The following PRICKLE2 variants were observed in gnomAD, a reference collection of about 807,000 sequenced individuals.
The protein encoded by PRICKLE2 is prickle-like protein 2.
A neutral mutation model predicts 81.4 loss-of-function variants in PRICKLE2; 21 were observed. The observed-to-expected ratio is 0.26, with a 90% CI of 0.18 to 0.37. The LOEUF (loss-of-function observed/expected upper bound fraction) is 0.37, where lower values mean the gene tolerates loss of function less well. PRICKLE2 is among the 10% of genes least tolerant of loss of function. The pLI, the probability that PRICKLE2 is intolerant of heterozygous loss-of-function variation, is 1.00. For missense variants in PRICKLE2, 940 were observed against 1,109.0 expected (o/e 0.85, Z 2.16); for synonymous variants, 456 against 421.5 (o/e 1.08, Z -1.00).
At chr3:64,141,937 T>C in intron 7 of PRICKLE2, 1 of 984,874 alleles carries the variant, frequency 1.0e-6, no homozygotes, top group Non-Finnish European at 1.2e-6. Flanking sequence ...ACGTACCTGG[T>C]ATTCAGACTG....
intron 2 of PRICKLE2, among the ~76,000 whole-genome samples, chr3:64,176,037 C>A (rs1038614826): frequency 4.6e-5 from 7 of 152,164 alleles, no homozygotes; most frequent in Admixed American, 4.6e-4. Context: ...AAAATGGCTA[C>A]TGGAGTCTCA....
chr3:64,131,279 A>G (rs933946211), intron 7 of PRICKLE2, among the ~76,000 whole-genome samples: 2 of 152,218 alleles, frequency 1.3e-5, no homozygotes, highest in African/African-American at 4.8e-5. Flanking sequence ...TCAGCCTTAG[A>G]AAGGGATTTT....
intron 2 of PRICKLE2, among the ~76,000 whole-genome samples, chr3:64,191,665 A>C (rs563126381): frequency 2.6e-5 from 4 of 152,366 alleles, no homozygotes; most frequent in Admixed American, 1.3e-4. Context: ...GCAAGTGTTC[A>C]ATGAGAGTTT....
intron 2 of PRICKLE2, among the ~76,000 whole-genome samples, chr3:64,170,029 C>T (rs1399572806): frequency 6.6e-6 from 1 of 152,008 alleles, no homozygotes; most frequent in Non-Finnish European, 1.5e-5. Context: ...TTCATTTTGC[C>T]CCTATTTGCC....
intron 2 of PRICKLE2, among the ~76,000 whole-genome samples, chr3:64,243,191 GA>G: frequency 6.6e-6 from 1 of 152,300 alleles, no homozygotes; most frequent in Middle Eastern, 3.4e-3. Context: ...GTGGACAGTA[GA>G]AAACAGAAAG....
chr3:64,204,882 G>T (rs920740142), intron 1 of PRICKLE2, among the ~76,000 whole-genome samples: 1 of 152,078 alleles, frequency 6.6e-6, no homozygotes, highest in African/African-American at 2.4e-5. Context: ...GGGGCAGAGG[G>T]TCAGAAGTGA....
chr3:64,225,044 T>TC lies in PRICKLE2; in HGVS notation c.-176dup. 2.0e-6 allele frequency: 2 copies of TC among 985,460 alleles called. No individual in the cohort carries two copies. Among genetic ancestry groups the TC allele is most frequent in the Non-Finnish European group, 2.4e-6 (2 of 830,070 alleles). The allele number at this position is 985,460 out of a possible 1,614,324, so 61.0% of individuals were successfully genotyped here. On this transcript the variant is annotated 5_prime_UTR_variant, in exon 1 of 8. Transcript: ENST00000638394. Reference sequence around the variant, plus strand: ...AGCAGGACCTCAGGCAGCCAAAGCATCTTCTCCTCAAACCCCCTTTTCAGT... The same window carrying TC: ...AGCAGGACCTCAGGCAGCCAAAGCATCCTTCTCCTCAAACCCCCTTTTCAGT...
At chr3:64,222,989 A>T (rs996005360) in intron 1 of PRICKLE2, among the ~76,000 whole-genome samples, 1 of 152,214 alleles carries the variant, frequency 6.6e-6, no homozygotes, top group African/African-American at 2.4e-5. Context: ...TGTGAAATAC[A>T]GTAGTTCTGG....
chr3:64,196,858 A>C (rs1025653316), intron 2 of PRICKLE2, among the ~76,000 whole-genome samples: 1 of 152,222 alleles, frequency 6.6e-6, no homozygotes, highest in Non-Finnish European at 1.5e-5. Flanking sequence ...ACTCAACTCC[A>C]ACCAATTATA....
intron 7 of PRICKLE2, among the ~76,000 whole-genome samples, chr3:64,130,730 A>G (rs2077185103): frequency 6.6e-6 from 1 of 152,216 alleles, no homozygotes; most frequent in Non-Finnish European, 1.5e-5. Flanking sequence ...TCTGACTGGT[A>G]GAATTATTGG....
At chr3:64,226,192 G>T (rs766789591), upstream of PRICKLE2, among the ~76,000 whole-genome samples, 2 of 152,104 alleles carry the variant, frequency 1.3e-5, no homozygotes, top group Non-Finnish European at 2.9e-5. Context: ...CTGGAGAAAG[G>T]ACTTTTCTAA....
intron 7 of PRICKLE2, among the ~76,000 whole-genome samples, chr3:64,110,659 C>T (rs1017865854): frequency 1.3e-5 from 2 of 152,030 alleles, no homozygotes; most frequent in African/African-American, 4.8e-5. Flanking sequence ...CAGCCAAGGG[C>T]AGGGAAAAGT....
chr3:64,128,814 G>A (rs916026759), intron 7 of PRICKLE2, among the ~76,000 whole-genome samples: 4 of 149,830 alleles, frequency 2.7e-5, no homozygotes, highest in Admixed American at 2.0e-4. Flanking sequence ...AAAAAAAAGT[G>A]TTATTTTCAC....
At chr3:64,148,713 G>C (rs2077496685) in intron 6 of PRICKLE2, among the ~76,000 whole-genome samples, 1 of 152,152 alleles carries the variant, frequency 6.6e-6, no homozygotes, top group Non-Finnish European at 1.5e-5. Context: ...CCTTATAACA[G>C]AGGCCCAAGG....
chr3:64,173,339 T>C (rs1192842198), intron 2 of PRICKLE2, among the ~76,000 whole-genome samples: 5 of 152,090 alleles, frequency 3.3e-5, no homozygotes, highest in African/African-American at 1.2e-4. Flanking sequence ...ATACATAGCA[T>C]ACCATCACAC....
intron 7 of PRICKLE2, among the ~76,000 whole-genome samples, chr3:64,114,683 T>C (rs930327543): frequency 6.9e-6 from 1 of 145,284 alleles, no homozygotes; most frequent in African/African-American, 2.5e-5. Context: ...AAAAAAAGAA[T>C]GAAAAGGAAT....
intron 7 of PRICKLE2, among the ~76,000 whole-genome samples, chr3:64,112,967 A>G (rs1465880318): frequency 1.6e-5 from 2 of 121,268 alleles, no homozygotes; most frequent in African/African-American, 3.0e-5. Context: ...TGGAGGCAAG[A>G]CATAGAAATC....
chr3:64,177,844 G>A (rs895889896), intron 2 of PRICKLE2, among the ~76,000 whole-genome samples: 1 of 152,134 alleles, frequency 6.6e-6, no homozygotes, highest in African/African-American at 2.4e-5. Context: ...TTTCACTACT[G>A]TGGATAATGC....
rs180903875 is a variant in PRICKLE2 at position 64,147,708 on chromosome 3, A to C, written c.788-6T>G. On this transcript the variant is annotated splice_region_variant and splice_polypyrimidine_tract_variant and intron_variant, in intron 6 of 7. Coordinates refer to ENST00000638394, the MANE Select transcript of PRICKLE2 (RefSeq NM_198859.4). This position sits in a 1 kb window ranked among gnomAD's most constrained non-coding sequence, Gnocchi z 5.0. ...CATTTGACCTTGGTCGATACCTAAA[A>C]AAATGAGAGACATTGGAGAGGCTGA... The C allele has an allele frequency of 6.2e-6, 10 of 1,613,408 alleles. No individual in the cohort carries two copies. The highest frequency in any genetic ancestry group is 1.3e-5 in the African/African-American group (1 of 74,944).
Sources: allele counts gnomAD v4.1 joint callset (sites outside exome capture counted in the v4.1 genomes callset), GRCh38; gene constraint gnomAD v4.1.1; non-coding constraint Gnocchi (gnomAD v3.1); transcripts MANE v1.5; gene names NCBI Gene and HGNC (gene_info 2026-07-23, HGNC 2026-07-21).